The following SPATS2L variants were observed in gnomAD, a reference collection of about 807,000 sequenced individuals.
SPATS2L encodes SPATS2-like protein.
In SPATS2L, 30 loss-of-function variants were observed where a neutral mutation model predicts 59.6. The ratio of observed to expected loss-of-function variants is 0.50; its 90% CI spans 0.38 to 0.68. The LOEUF is 0.68. SPATS2L is among the 30% of genes least tolerant of loss of function. The pLI is 0.00. For synonymous variants in SPATS2L, 252 were observed against 263.5 expected (o/e 0.96, Z 0.42); for missense variants, 615 against 700.0 (o/e 0.88, Z 1.37).
At chr2:200,308,758 A>G in intron 1 of SPATS2L, 1 of 397,798 alleles carries the variant, frequency 2.5e-6, no homozygotes, top group Non-Finnish European at 4.5e-6. Flanking sequence ...AAAAGACTGT[A>G]TTAATTGGCA....
At chr2:200,341,394 C>T (rs2080320474) in intron 2 of SPATS2L, among the ~76,000 whole-genome samples, 1 of 152,134 alleles carries the variant, frequency 6.6e-6, no homozygotes, top group Admixed American at 6.5e-5. Flanking sequence ...GTAACACTTA[C>T]CTTACTAAAT....
At chr2:200,470,512 C>G (rs1340101093) in intron 11 of SPATS2L, among the ~76,000 whole-genome samples, 1 of 152,146 alleles carries the variant, frequency 6.6e-6, no homozygotes. Flanking sequence ...CAGCCATTAG[C>G]TTTAGTCTTG....
chr2:200,326,926 T>TTTG (rs2079768757), intron 1 of SPATS2L, among the ~76,000 whole-genome samples: 1 of 136,646 alleles, frequency 7.3e-6, no homozygotes, highest in African/African-American at 2.6e-5. Context: ...TTTTTTTTTT[T>TTTG]AGCAGAGTTG....
chr2:200,393,167 G>A (rs1338245992), intron 3 of SPATS2L: 1 of 456,330 alleles, frequency 2.2e-6, no homozygotes, highest in East Asian at 6.9e-5. Context: ...TATCTGTTGA[G>A]ATAGAACAGC....
chr2:200,416,273 CAA>C (rs5837739), intron 4 of SPATS2L, 104 bp from the exon 5 acceptor site: 56,356 of 327,824 alleles, frequency 0.17, 746 homozygotes, highest in Non-Finnish European at 0.2. Flanking sequence ...ATGAAAAAGC[CAA>C]AAAAAAAAAA....
intron 1 of SPATS2L, among the ~76,000 whole-genome samples, chr2:200,320,777 C>T (rs2079536134): frequency 6.6e-6 from 1 of 152,148 alleles, no homozygotes; most frequent in Non-Finnish European, 1.5e-5. Context: ...TCAAGTAACA[C>T]ATATGGTGCT....
At chr2:200,428,538 A>G (rs1369938901) in intron 6 of SPATS2L, among the ~76,000 whole-genome samples, 1 of 152,132 alleles carries the variant, frequency 6.6e-6, no homozygotes, top group Non-Finnish European at 1.5e-5. Context: ...CACTGTCCTT[A>G]GATTATTTCA....
At chr2:200,412,605 CAAAA>C (rs11324274) in intron 4 of SPATS2L, among the ~76,000 whole-genome samples, 186 bp downstream of exon 4, 5 of 126,274 alleles carry the variant, frequency 4.0e-5, no homozygotes, top group Non-Finnish European at 1.7e-5. Context: ...GACCCCATCT[CAAAA>C]AAAAAAAAAA....
At chr2:200,412,133 A>G (rs2082896749) in intron 3 of SPATS2L, among the ~76,000 whole-genome samples, 178 bp from the exon 4 acceptor site, 1 of 152,216 alleles carries the variant, frequency 6.6e-6, no homozygotes, top group Admixed American at 6.5e-5. Flanking sequence ...CAAGGTGATT[A>G]CCAGGATGAA....
At chr2:200,360,888 T>G (rs1250991043) in intron 2 of SPATS2L, among the ~76,000 whole-genome samples, 1 of 146,576 alleles carries the variant, frequency 6.8e-6, no homozygotes, top group Non-Finnish European at 1.5e-5. Flanking sequence ...TTGATGCCAT[T>G]GTACGACCCC....
chr2:200,319,990 A>G (rs159321), intron 1 of SPATS2L, among the ~76,000 whole-genome samples: 70,270 of 152,058 alleles, frequency 0.46, 16,881 homozygotes, highest in African/African-American at 0.59. Flanking sequence ...TTATTTATCA[A>G]TTGCACACTT....
At chr2:200,378,247 T>A in intron 2 of SPATS2L, 1 of 1,002,514 alleles carries the variant, frequency 1.0e-6, no homozygotes, top group Non-Finnish European at 1.2e-6. Flanking sequence ...GACTTACTGG[T>A]CACAGTAAAA....
chr2:200,330,302 G>A (rs2079895866), intron 2 of SPATS2L, among the ~76,000 whole-genome samples: 1 of 67,544 alleles, frequency 1.5e-5, no homozygotes, highest in South Asian at 6.5e-4. Flanking sequence ...TTGCCTCCTG[G>A]ATATTTCCAT....
At chr2:200,442,478 G>T (rs2084765244) in intron 8 of SPATS2L, among the ~76,000 whole-genome samples, 1 of 152,258 alleles carries the variant, frequency 6.6e-6, no homozygotes, top group African/African-American at 2.4e-5. Context: ...GCCAGATTTG[G>T]CTCATGAGGG....
At chr2:200,440,885 T>A in intron 8 of SPATS2L, 101 bp downstream of exon 8, 2 of 1,332,710 alleles carry the variant, frequency 1.5e-6, no homozygotes, top group Non-Finnish European at 2.1e-6. Context: ...TACATAAACA[T>A]CACAGAATAA....
intron 3 of SPATS2L, among the ~76,000 whole-genome samples, chr2:200,410,222 A>G (rs780174742): frequency 1.3e-4 from 20 of 152,262 alleles, no homozygotes; most frequent in Admixed American, 2.6e-4. Context: ...TGCTAGATTT[A>G]AAAGAGCTAT....
chr2:200,456,797 T>C (rs182992501), intron 8 of SPATS2L, among the ~76,000 whole-genome samples: 8 of 152,286 alleles, frequency 5.3e-5, no homozygotes, highest in African/African-American at 1.9e-4. Context: ...AGTATTTCCC[T>C]TAGTGTGTGC....
intron 2 of SPATS2L, among the ~76,000 whole-genome samples, chr2:200,335,985 A>G (rs944276036): frequency 1.1e-4 from 17 of 152,268 alleles, no homozygotes; most frequent in African/African-American, 2.4e-4. Flanking sequence ...TCTTTGTTAT[A>G]TTGTGAAATA....
At chr2:200,346,028 A>G (rs971965979) in intron 2 of SPATS2L, among the ~76,000 whole-genome samples, 1 of 152,226 alleles carries the variant, frequency 6.6e-6, no homozygotes, top group African/African-American at 2.4e-5. Context: ...CTGTCTGTCT[A>G]CAAACCCTGG....
Sources: gnomAD v4.1 joint callset for allele counts (sites outside exome capture counted in the v4.1 genomes callset) on GRCh38, gnomAD v4.1.1 for gene constraint, MANE v1.5 for transcripts, NCBI Gene and HGNC (gene_info 2026-07-23, HGNC 2026-07-21) for gene names.